DSN1: variants seen among roughly 807,000 people sequenced by gnomAD.
DSN1 encodes kinetochore-associated protein DSN1 homolog.
A neutral mutation model predicts 45.7 loss-of-function variants in DSN1; 31 were observed. That is an observed-to-expected ratio of 0.68 (90% CI 0.51 to 0.92). The LOEUF is 0.92. DSN1 is among the 40% of genes least tolerant of loss of function. DSN1 has a pLI of 0.00. For missense variants in DSN1, 394 were observed against 414.2 expected, an observed-to-expected ratio of 0.95 and a Z score of 0.42; for synonymous variants, 134 against 142.3, an observed-to-expected ratio of 0.94 and a Z score of 0.41.
intron 9 of DSN1, 130 bp from the exon 10 acceptor site, chr20:36,754,980 A>G: frequency 2.8e-6 from 2 of 719,456 alleles, no homozygotes; most frequent in Non-Finnish European, 2.3e-6. Context: ...CTTATGCCAG[A>G]TAATTCTGTT....
intron 4 of DSN1, 37 bp from the exon 5 acceptor site, chr20:36,766,878 A>G (rs1987370206): frequency 6.7e-7 from 1 of 1,489,806 alleles, no homozygotes; most frequent in Admixed American, 2.1e-5. Context: ...CAACCACCAA[A>G]AACTTCCAGG....
In DSN1 at chr20:36,752,802, C is replaced by T; in HGVS notation, c.1057G>A (p.Gly353Arg). The T allele has an allele frequency of 6.2e-7, 1 of 1,613,738 alleles. No individual in the cohort carries two copies. The highest frequency in any genetic ancestry group is 8.5e-7 in the Non-Finnish European group (1 of 1,179,668). ...NPPAIHGSGS[G>R]SCQ ...CTCTCATAAAGTCACTGACAAGATC[C>T]AGATCCAGATCCATGTATGGCAGGT... is the stretch of plus-strand genomic sequence containing the variant. The change falls in exon 11 of 11, where the codon GGA becomes AGA. Residue 353 changes from glycine (G) to arginine (R), a missense_variant. Transcript: ENST00000373750.
intron 5 of DSN1, among the ~76,000 whole-genome samples, chr20:36,764,669 C>G (rs1025515162): frequency 6.6e-6 from 1 of 152,096 alleles, no homozygotes; most frequent in African/African-American, 2.4e-5. Context: ...GCCTATAATC[C>G]CAACACTTTG....
intron 5 of DSN1, among the ~76,000 whole-genome samples, chr20:36,763,369 C>T (rs909483802): frequency 7.1e-5 from 9 of 126,878 alleles, no homozygotes; most frequent in Non-Finnish European, 1.4e-4. Context: ...GGTGCCACTG[C>T]ACACCAGCCC....
At chr20:36,763,885 CAAAAAAA>C (rs148628979) in intron 5 of DSN1, among the ~76,000 whole-genome samples, 25 of 37,464 alleles carry the variant, frequency 6.7e-4, no homozygotes, top group South Asian at 5.9e-3. Flanking sequence ...AACTCTGTCT[CAAAAAAA>C]AAAAAAAAAA....
chr20:36,770,858 T>C lies in DSN1; in HGVS notation c.355+15A>G. On this transcript the variant is annotated intron_variant, in intron 3 of 10. Coordinates refer to ENST00000373750, the MANE Select transcript of DSN1 (RefSeq NM_001145315.2). The stretch of plus-strand genomic sequence containing the variant: ...TGAGCTGGAACCTCACTGTCTTGTG[T>C]ACACAGCACCCCACCTGTGATGCCC... The C allele has an allele frequency of 6.3e-7, 1 of 1,598,458 alleles. No individual in the cohort carries two copies. Among genetic ancestry groups the C allele is most frequent in the South Asian group, 1.1e-5 (1 of 89,740 alleles).
Position 36,752,725 on chromosome 20 carries a change from G to A in DSN1, c.*63C>T, listed in dbSNP as rs947651081. 47 of 1,358,778 alleles carry A rather than the reference G, an allele frequency of 3.5e-5. No individual in the cohort carries two copies. In the Admixed American group the frequency reaches 6.3e-4, roughly 18 times the overall value. The allele number at this position is 1,358,778 out of a possible 1,614,324, so 84.2% of individuals were successfully genotyped here. A position where few individuals can be genotyped will look rare whatever the true frequency, so the allele number is the denominator to read the frequency against. On this transcript the variant is annotated 3_prime_UTR_variant, in exon 11 of 11. Coordinates refer to ENST00000373750, the MANE Select transcript of DSN1 (RefSeq NM_001145315.2). The stretch of plus-strand genomic sequence containing the variant: ...CGAGCAGAAATCACGCAGTCACCAC[G>A]TGCTGGGGCACTCTTCCCATTCCTC...
At chr20:36,761,316 G>T (rs1039990687) in intron 6 of DSN1, among the ~76,000 whole-genome samples, 1 of 152,164 alleles carries the variant, frequency 6.6e-6, no homozygotes, top group Non-Finnish European at 1.5e-5. Flanking sequence ...TACTGACCTA[G>T]ATTATCGCTG....
chr20:36,769,966 G>A (rs1431980099), intron 3 of DSN1, among the ~76,000 whole-genome samples: 3 of 114,254 alleles, frequency 2.6e-5, no homozygotes, highest in African/African-American at 9.8e-5. Context: ...GAGAGAGAAA[G>A]AAAGTGAGGC....
At chr20:36,773,262 G>A (rs1319306070) in intron 1 of DSN1, 2 of 542,394 alleles carry the variant, frequency 3.7e-6, no homozygotes, top group Non-Finnish European at 4.7e-6. Flanking sequence ...AACTCCGTAA[G>A]CACCATTAAC....
intron 6 of DSN1, 80 bp downstream of exon 6, chr20:36,762,381 A>G: frequency 1.5e-6 from 2 of 1,322,108 alleles, no homozygotes; most frequent in South Asian, 2.7e-5. Flanking sequence ...AAGTGCTGGG[A>G]TTACAGGCCT....
intron 4 of DSN1, 46 bp from the exon 5 acceptor site, chr20:36,766,887 G>C: frequency 7.4e-7 from 1 of 1,356,288 alleles, no homozygotes; most frequent in Non-Finnish European, 1.0e-6. Flanking sequence ...AAAACTTCCA[G>C]GCCAGTCCTA....
In DSN1 at chr20:36,766,806, G is replaced by T; in HGVS notation, c.465C>A (p.Asp155Glu). 1 of 1,609,676 alleles carries T rather than the reference G, an allele frequency of 6.2e-7. No individual in the cohort carries two copies. Residue 155 changes from aspartate (D) to glutamate (E), a missense_variant, in exon 5 of 11, where the codon GAC (aspartate) becomes GAA (glutamate). Physicochemically the swap from Asp to Glu is conservative, Grantham distance 45. Coordinates refer to ENST00000373750, the MANE Select transcript of DSN1 (RefSeq NM_001145315.2). ...AACTTTCAAGACTGAAGCCCTTAGT[G>T]TCCCTTAGGAAAGGTTCAAGTTTCT... Reference protein sequence around the residue: ...SIQKLEPFLRDTKGFSLESFR... With the variant: ...SIQKLEPFLRETKGFSLESFR...
chr20:36,753,659 A>G (rs1266858258), intron 10 of DSN1, among the ~76,000 whole-genome samples: 1 of 148,332 alleles, frequency 6.7e-6, no homozygotes, highest in African/African-American at 2.5e-5. Context: ...AAAAAGAAAA[A>G]GAAAGAAAGA....
At chr20:36,772,287 CTTTG>C (rs1373160043) in intron 1 of DSN1, among the ~76,000 whole-genome samples, 25 of 58,594 alleles carry the variant, frequency 4.3e-4, no homozygotes, top group African/African-American at 2.0e-3. Flanking sequence ...CCAGTCTATT[CTTTG>C]TTTTTGTTTT....
At chr20:36,753,937 C>G (rs1453617485) in intron 10 of DSN1, among the ~76,000 whole-genome samples, 2 of 151,336 alleles carry the variant, frequency 1.3e-5, no homozygotes, top group Non-Finnish European at 2.9e-5. Context: ...ACCCGGGAAG[C>G]AGAGGTTGCA....
chr20:36,757,512 G>A (rs146942129), intron 8 of DSN1, among the ~76,000 whole-genome samples: 2,175 of 152,272 alleles, frequency 0.014, 21 homozygotes, highest in Non-Finnish European at 0.024. Flanking sequence ...CCGGGAGGCA[G>A]AGTGAGCTCA....
intron 5 of DSN1, among the ~76,000 whole-genome samples, chr20:36,763,680 A>G (rs1987142000): frequency 6.6e-6 from 1 of 151,682 alleles, no homozygotes; most frequent in Non-Finnish European, 1.5e-5. Flanking sequence ...CGAGGTCAAG[A>G]GATCAACACC....
At position 36,770,786 on chromosome 20, in the gene DSN1, TGC is replaced by T. The variant is rs1469686569; in HGVS notation, c.355+85_355+86del. ...GTCATGTCTATTCTCCCACACTTTC[TGC>T]CATACCTCACTGCCTCTTATCTGAG... is the stretch of plus-strand genomic sequence containing the variant. On this transcript the variant is annotated intron_variant, in intron 3 of 10. Transcript: ENST00000373750. 2.1e-5 allele frequency: 30 copies of T among 1,434,094 alleles called. No individual in the cohort carries two copies. The East Asian group carries it at 6.2e-4, about 29-fold the overall frequency. 88.8% of individuals were successfully genotyped at this position (1,434,094 alleles called of 1,614,324 possible). A position where few individuals can be genotyped will look rare whatever the true frequency, so the allele number is the denominator to read the frequency against.
Sources: allele counts gnomAD v4.1 joint callset (sites outside exome capture counted in the v4.1 genomes callset), GRCh38; gene constraint gnomAD v4.1.1; transcripts MANE v1.5; gene names NCBI Gene and HGNC (gene_info 2026-07-23, HGNC 2026-07-21).